The following PPM1D variants were observed in gnomAD, a reference collection of about 807,000 sequenced individuals.
The protein encoded by PPM1D is protein phosphatase, Mg2+/Mn2+ dependent 1D.
Under a neutral mutation model 58.3 loss-of-function variants are expected in PPM1D, and 52 were observed. That is an observed-to-expected ratio of 0.89 (90% CI 0.71 to 1.12). The LOEUF (loss-of-function observed/expected upper bound fraction) is 1.12, where lower values mean the gene tolerates loss of function less well. Ranked by LOEUF, PPM1D falls within the 50% of genes most tolerant of loss-of-function variation. PPM1D has a pLI of 0.00. For missense variants in PPM1D, 564 were observed against 777.2 expected, an observed-to-expected ratio of 0.73 and a Z score of 3.26; for synonymous variants, 278 against 285.1, an observed-to-expected ratio of 0.98 and a Z score of 0.25.
At chr17:60,629,353 T>A (rs2030874270) in intron 2 of PPM1D, among the ~76,000 whole-genome samples, 1 of 152,230 alleles carries the variant, frequency 6.6e-6, no homozygotes. Context: ...CCCTGTCGTC[T>A]TGCTTACAAC....
intron 1 of PPM1D, among the ~76,000 whole-genome samples, chr17:60,621,563 ATTTTTTTTTT>A (rs775950363): frequency 4.2e-5 from 4 of 96,132 alleles, no homozygotes; most frequent in African/African-American, 1.5e-4. Context: ...TATTTTTTGT[ATTTTTTTTTT>A]TTTTTTTTTT....
chr17:60,633,572 G>A (rs1265275447), intron 2 of PPM1D, among the ~76,000 whole-genome samples: 1 of 151,940 alleles, frequency 6.6e-6, no homozygotes, highest in Non-Finnish European at 1.5e-5. Context: ...TAATTAGGTA[G>A]TGTTGCTTTT....
At chr17:60,613,890 G>GCCCC (rs61669650) in intron 1 of PPM1D, among the ~76,000 whole-genome samples, 3 of 137,366 alleles carry the variant, frequency 2.2e-5, no homozygotes, top group African/African-American at 5.9e-5. Context: ...CATACCTGAG[G>GCCCC]CCCCCCCCCC....
intron 2 of PPM1D, among the ~76,000 whole-genome samples, chr17:60,624,420 C>T (rs188661701): frequency 1.3e-5 from 2 of 152,272 alleles, no homozygotes; most frequent in East Asian, 1.9e-4. Flanking sequence ...CCCATGATAT[C>T]GTTACTTGCC....
chr17:60,605,037 G>T (rs1007191738), intron 1 of PPM1D, among the ~76,000 whole-genome samples: 1 of 152,146 alleles, frequency 6.6e-6, no homozygotes, highest in African/African-American at 2.4e-5. Context: ...GGCCAGGCTG[G>T]TCTTGAACTC....
intron 4 of PPM1D, among the ~76,000 whole-genome samples, chr17:60,649,005 T>C (rs964139706): frequency 6.6e-6 from 1 of 151,964 alleles, no homozygotes; most frequent in Non-Finnish European, 1.5e-5. Context: ...CCTGAGGTGA[T>C]GCCTCAGCCC....
chr17:60,657,596 G>A (rs1307344314), intron 5 of PPM1D, among the ~76,000 whole-genome samples: 1 of 152,186 alleles, frequency 6.6e-6, no homozygotes, highest in African/African-American at 2.4e-5. Flanking sequence ...GTTTTTTAAA[G>A]TGTCAAAGGC....
chr17:60,629,271 G>C (rs2030872521), intron 2 of PPM1D, among the ~76,000 whole-genome samples: 1 of 152,166 alleles, frequency 6.6e-6, no homozygotes, highest in Admixed American at 6.5e-5. Context: ...CTTGTGTAGG[G>C]ACCAAGAAAC....
intron 2 of PPM1D, among the ~76,000 whole-genome samples, chr17:60,624,302 A>G (rs2030761538): frequency 6.6e-6 from 1 of 152,226 alleles, no homozygotes; most frequent in African/African-American, 2.4e-5. Context: ...AGTGAATAAC[A>G]TGAAAAAATT....
chr17:60,659,019 A>G (rs2031486654), intron 5 of PPM1D, among the ~76,000 whole-genome samples: 1 of 152,180 alleles, frequency 6.6e-6, no homozygotes, highest in South Asian at 2.1e-4. Context: ...AGTAAAGATA[A>G]GAAGACGTAT....
At chr17:60,645,267 TC>T (rs1266480725) in intron 3 of PPM1D, among the ~76,000 whole-genome samples, 6 of 151,838 alleles carry the variant, frequency 4.0e-5, no homozygotes, top group Non-Finnish European at 8.8e-5. Context: ...GGCAGGAGAA[TC>T]ACTTGAACCC....
intron 1 of PPM1D, among the ~76,000 whole-genome samples, 187 bp downstream of exon 1, chr17:60,601,073 A>G (rs560294169): frequency 4.5e-4 from 69 of 152,290 alleles, no homozygotes; most frequent in African/African-American, 1.3e-3. Flanking sequence ...CTTGGGGAAG[A>G]TAGGATTGCC....
intron 5 of PPM1D, 190 bp downstream of exon 5, chr17:60,657,031 A>G: frequency 2.0e-6 from 3 of 1,496,486 alleles, no homozygotes; most frequent in South Asian, 2.6e-5. Flanking sequence ...TGTGTACAGC[A>G]CTAATAAAAA....
chr17:60,609,915 C>T (rs564684869), intron 1 of PPM1D, among the ~76,000 whole-genome samples: 3 of 152,272 alleles, frequency 2.0e-5, no homozygotes, highest in South Asian at 2.1e-4. Context: ...AGCACGGTGG[C>T]TCACGCCTGT....
At chr17:60,613,565 G>A (rs1020360838) in intron 1 of PPM1D, among the ~76,000 whole-genome samples, 2 of 152,256 alleles carry the variant, frequency 1.3e-5, no homozygotes, top group African/African-American at 4.8e-5. Flanking sequence ...CCCTCCCTGG[G>A]CTGGCCGAGG....
At chr17:60,613,784 G>C (rs2030512169) in intron 1 of PPM1D, among the ~76,000 whole-genome samples, 1 of 152,194 alleles carries the variant, frequency 6.6e-6, no homozygotes, top group African/African-American at 2.4e-5. Flanking sequence ...GGTGCGCCGG[G>C]TCCCCCAGCA....
intron 1 of PPM1D, among the ~76,000 whole-genome samples, chr17:60,621,915 T>C (rs576621738): frequency 7.0e-6 from 1 of 142,084 alleles, no homozygotes; most frequent in East Asian, 2.2e-4. Context: ...CGGCCAGGCG[T>C]GGTGGCTCAC....
chr17:60,648,219 A>G, intron 4 of PPM1D, 137 bp downstream of exon 4: 2 of 828,958 alleles, frequency 2.4e-6, no homozygotes, highest in Non-Finnish European at 3.6e-6. Flanking sequence ...TGGGTAAAAC[A>G]TAGGCTTTGT....
intron 2 of PPM1D, among the ~76,000 whole-genome samples, chr17:60,624,369 G>C (rs532261548): frequency 2.6e-4 from 40 of 152,274 alleles, no homozygotes; most frequent in Admixed American, 4.6e-4. Context: ...AAGTTGAGTA[G>C]AATCCAATGT....
Sources: allele counts gnomAD v4.1 joint callset (sites outside exome capture counted in the v4.1 genomes callset), GRCh38; gene constraint gnomAD v4.1.1; transcripts MANE v1.5; gene names NCBI Gene and HGNC (gene_info 2026-07-23, HGNC 2026-07-21).